The following B3GALT1 variants were observed in gnomAD, a reference collection of about 807,000 sequenced individuals.
B3GALT1 encodes the protein UDP-Gal:betaGlcNAc beta 1,3-galactosyltransferase, polypeptide 1.
B3GALT1 carries 10 observed loss-of-function variants against 23.2 expected under a neutral mutation model. The ratio of observed to expected loss-of-function variants is 0.43; its 90% CI spans 0.27 to 0.73. B3GALT1 has a LOEUF of 0.73. Among genes scored for constraint, B3GALT1 ranks in the 30% least tolerant of loss-of-function variants. The pLI, the probability that B3GALT1 is intolerant of heterozygous loss-of-function variation, is 0.21. For missense variants in B3GALT1, 299 were observed against 405.4 expected, an observed-to-expected ratio of 0.74 and a Z score of 2.25; for synonymous variants, 156 against 141.5, an observed-to-expected ratio of 1.10 and a Z score of -0.73.
chr2:167,484,061 G>A (rs1450796324), intron 1 of B3GALT1, among the ~76,000 whole-genome samples: 1 of 152,128 alleles, frequency 6.6e-6, no homozygotes, highest in Non-Finnish European at 1.5e-5. Context: ...TCTTACTTCA[G>A]ATATAAACAT....
At chr2:167,530,699 T>C (rs1193618520) in intron 2 of B3GALT1, among the ~76,000 whole-genome samples, 1 of 152,242 alleles carries the variant, frequency 6.6e-6, no homozygotes, top group Non-Finnish European at 1.5e-5. Context: ...ATCATCCATC[T>C]TTATTGAATG....
At chr2:167,475,011 C>A (rs1311424389) in intron 1 of B3GALT1, among the ~76,000 whole-genome samples, 1 of 152,112 alleles carries the variant, frequency 6.6e-6, no homozygotes, top group Admixed American at 6.6e-5. Flanking sequence ...TTCTACTAAA[C>A]AACTTTATTA....
At chr2:167,661,383 C>G (rs1025032237) in intron 3 of B3GALT1, among the ~76,000 whole-genome samples, 2 of 151,980 alleles carry the variant, frequency 1.3e-5, no homozygotes, top group Non-Finnish European at 2.9e-5. Context: ...GTCTCTAGCC[C>G]CAAGAAAACC....
At chr2:167,492,645 G>T (rs1294158307) in intron 2 of B3GALT1, among the ~76,000 whole-genome samples, 2 of 152,132 alleles carry the variant, frequency 1.3e-5, no homozygotes, top group Admixed American at 6.5e-5. Context: ...ATTTGGTTTT[G>T]TCAATGCTTA....
intron 2 of B3GALT1, among the ~76,000 whole-genome samples, chr2:167,502,397 A>G (rs1478978768): frequency 1.3e-5 from 2 of 152,190 alleles, no homozygotes; most frequent in Non-Finnish European, 2.9e-5. Flanking sequence ...AGGACCACAA[A>G]TGTATAGGAT....
At chr2:167,652,283 A>G (rs1242279190) in intron 3 of B3GALT1, among the ~76,000 whole-genome samples, 1 of 152,186 alleles carries the variant, frequency 6.6e-6, no homozygotes, top group African/African-American at 2.4e-5. Context: ...CAGCAGAGCC[A>G]AAGGCAGACA....
intron 1 of B3GALT1, among the ~76,000 whole-genome samples, chr2:167,454,800 T>C (rs1307566754): frequency 1.3e-5 from 2 of 152,134 alleles, no homozygotes; most frequent in African/African-American, 4.8e-5. Context: ...TATGAGAAAA[T>C]CAAGGTCAAT....
chr2:167,725,207 G>A (rs1245987198), intron 3 of B3GALT1, among the ~76,000 whole-genome samples: 2 of 152,064 alleles, frequency 1.3e-5, no homozygotes, highest in African/African-American at 4.8e-5. Context: ...AAACTTGGAG[G>A]ACAACTGTCA....
chr2:167,565,354 A>G (rs1482964778), intron 2 of B3GALT1, among the ~76,000 whole-genome samples: 3 of 152,224 alleles, frequency 2.0e-5, no homozygotes, highest in African/African-American at 4.8e-5. Flanking sequence ...GCAAAAATCA[A>G]TTCAAGATGG....
At chr2:167,701,446 T>G (rs1351243085) in intron 3 of B3GALT1, among the ~76,000 whole-genome samples, 1 of 152,072 alleles carries the variant, frequency 6.6e-6, no homozygotes, top group Non-Finnish European at 1.5e-5. Flanking sequence ...CATTTTTCTT[T>G]AAGAAAATGA....
intron 4 of B3GALT1, among the ~76,000 whole-genome samples, chr2:167,859,803 T>TTTA (rs1690064713): frequency 6.6e-6 from 1 of 152,152 alleles, no homozygotes; most frequent in African/African-American, 2.4e-5. Flanking sequence ...TCTTTATCTA[T>TTTA]CTAAGGCAGA....
intron 3 of B3GALT1, among the ~76,000 whole-genome samples, chr2:167,772,367 A>G (rs1688087835): frequency 6.6e-6 from 1 of 152,326 alleles, no homozygotes; most frequent in South Asian, 2.1e-4. Context: ...TTCTCATAAC[A>G]ACCCTGTGAA....
At chr2:167,611,954 A>G (rs1036452192) in intron 2 of B3GALT1, among the ~76,000 whole-genome samples, 4 of 152,098 alleles carry the variant, frequency 2.6e-5, no homozygotes, top group Non-Finnish European at 4.4e-5. Context: ...AATATCTAAC[A>G]GATTGTTTAA....
At chr2:167,481,868 A>T (rs925446316) in intron 1 of B3GALT1, among the ~76,000 whole-genome samples, 2 of 152,348 alleles carry the variant, frequency 1.3e-5, no homozygotes, top group East Asian at 1.9e-4. Context: ...TTATTTCAGG[A>T]TGCACAATTT....
chr2:167,792,633 T>A (rs1688456154), intron 3 of B3GALT1, among the ~76,000 whole-genome samples: 1 of 152,272 alleles, frequency 6.6e-6, no homozygotes, highest in African/African-American at 2.4e-5. Flanking sequence ...CTTGTAAATA[T>A]CATGAAAATA....
At chr2:167,394,116 C>T (rs779194487) in intron 1 of B3GALT1, among the ~76,000 whole-genome samples, 66 of 152,116 alleles carry the variant, frequency 4.3e-4, no homozygotes, top group Admixed American at 7.9e-4. Flanking sequence ...AAACACATTG[C>T]TGCCTTAGTG....
At chr2:167,674,511 A>G (rs1686389116) in intron 3 of B3GALT1, among the ~76,000 whole-genome samples, 1 of 152,216 alleles carries the variant, frequency 6.6e-6, no homozygotes, top group South Asian at 2.1e-4. Flanking sequence ...TTTTGATGCA[A>G]CCTTCAGATA....
chr2:167,300,472 C>T (rs1696427574), intron 1 of B3GALT1, among the ~76,000 whole-genome samples: 1 of 152,060 alleles, frequency 6.6e-6, no homozygotes, highest in South Asian at 2.1e-4. Context: ...TCTACAATAA[C>T]AAGTAGGTTA....
At chr2:167,833,839 T>G (rs1053509327) in intron 4 of B3GALT1, among the ~76,000 whole-genome samples, 48 of 152,164 alleles carry the variant, frequency 3.2e-4, no homozygotes, top group Non-Finnish European at 5.9e-5. Flanking sequence ...TACTGGAAGC[T>G]CCTGCTGTAA....
Sources: gnomAD v4.1 joint callset for allele counts (sites outside exome capture counted in the v4.1 genomes callset) on GRCh38, gnomAD v4.1.1 for gene constraint, MANE v1.5 for transcripts, NCBI Gene and HGNC (gene_info 2026-07-23, HGNC 2026-07-21) for gene names.